The following EFEMP1 variants were observed in gnomAD, a reference collection of about 807,000 sequenced individuals.
EFEMP1 encodes EGF-like fibulin extracellular matrix protein 1.
Under a neutral mutation model 65.7 loss-of-function variants are expected in EFEMP1, and 18 were observed. That is an observed-to-expected ratio of 0.27 (90% CI 0.19 to 0.41). The LOEUF (loss-of-function observed/expected upper bound fraction) is 0.41. Among genes scored for constraint, EFEMP1 ranks in the 10% least tolerant of loss-of-function variants. The pLI, the probability that EFEMP1 is intolerant of heterozygous loss-of-function variation, is 1.00. For synonymous variants in EFEMP1, 237 were observed against 219.7 expected (o/e 1.08, Z -0.70); for missense variants, 469 against 624.8 (o/e 0.75, Z 2.66).
At chr2:55,908,812 T>C (rs1670378352) in intron 5 of EFEMP1, among the ~76,000 whole-genome samples, 1 of 152,204 alleles carries the variant, frequency 6.6e-6, no homozygotes, top group African/African-American at 2.4e-5. Context: ...TGTATTTTCA[T>C]TATTCACCAT....
intron 6 of EFEMP1, 33 bp downstream of exon 6, chr2:55,881,579 A>G (rs1669241514): frequency 6.2e-7 from 1 of 1,612,508 alleles, no homozygotes; most frequent in South Asian, 1.1e-5. Context: ...GGTACTCAAG[A>G]CAGGACCGTG....
chr2:55,880,256 A>G (rs1380192060), intron 6 of EFEMP1, among the ~76,000 whole-genome samples: 1 of 152,182 alleles, frequency 6.6e-6, no homozygotes, highest in Non-Finnish European at 1.5e-5. Flanking sequence ...GGGAAGACAC[A>G]TGATTAGATC....
intron 5 of EFEMP1, among the ~76,000 whole-genome samples, chr2:55,914,159 C>A (rs1013432159): frequency 2.0e-5 from 3 of 152,114 alleles, no homozygotes; most frequent in African/African-American, 7.2e-5. Context: ...CTAATGGAAA[C>A]AATTAATTTC....
intron 5 of EFEMP1, among the ~76,000 whole-genome samples, chr2:55,916,666 G>T (rs1374446229): frequency 3.3e-5 from 5 of 152,196 alleles, no homozygotes; most frequent in African/African-American, 1.2e-4. Flanking sequence ...GTATGTGGTG[G>T]TGACATGGAG....
In EFEMP1 at chr2:55,877,883, C is replaced by T; in HGVS notation, c.641-18G>A. On this transcript the variant is annotated intron_variant, in intron 6 of 11. Transcript: ENST00000355426. The surrounding 1 kb of genome is among the most constrained non-coding windows in gnomAD (Gnocchi z 4.5). ...ATCTATGTCTAGGTTATCAGGCACA[C>T]ACACAAAGAGAACCAAATTATTGAA... The T allele has an allele frequency of 6.2e-7, 1 of 1,612,438 alleles. No individual in the cohort carries two copies. Among genetic ancestry groups the T allele is most frequent in the Non-Finnish European group, 8.5e-7 (1 of 1,178,742 alleles).
At chr2:55,875,365 C>CACACACACACATAT (rs1457478860) in intron 8 of EFEMP1, among the ~76,000 whole-genome samples, 2 of 137,102 alleles carry the variant, frequency 1.5e-5, no homozygotes, top group African/African-American at 5.4e-5. Context: ...CACACACACA[C>CACACACACACATAT]ATATATATTT....
In EFEMP1 at chr2:55,873,070, AC is replaced by A. The variant is rs1453889145; in HGVS notation, c.1000+1875del. 7.4e-6 allele frequency among the ~76,000 whole-genome samples: 1 copy of A among 135,976 alleles called. No individual in the cohort carries two copies. The highest frequency in any genetic ancestry group is 2.0e-4 in the East Asian group (1 of 4,926). The allele number at this position is 135,976 out of a possible 152,430, so 89.2% of individuals were successfully genotyped here. ...TTTGTCTCTCTGTCTCTCTCTCCACACACACACACACACACACACACACACA... is the reference window on the plus strand; with the variant it reads ...TTTGTCTCTCTGTCTCTCTCTCCACAACACACACACACACACACACACACA... On this transcript the variant is annotated intron_variant, in intron 9 of 11. Transcript: ENST00000355426. This position sits in a 1 kb window ranked among gnomAD's most constrained non-coding sequence, Gnocchi z 4.6.
intron 5 of EFEMP1, among the ~76,000 whole-genome samples, chr2:55,912,282 A>T (rs1430260457): frequency 2.0e-5 from 3 of 152,160 alleles, no homozygotes; most frequent in Non-Finnish European, 1.5e-5. Context: ...TCCTCACAAA[A>T]CTAACCCATG....
chr2:55,916,056 T>C (rs1670665951), intron 5 of EFEMP1, among the ~76,000 whole-genome samples: 1 of 151,472 alleles, frequency 6.6e-6, no homozygotes, highest in Non-Finnish European at 1.5e-5. Flanking sequence ...ACTTAAAGCT[T>C]ACAAACAAAA....
rs142205664 is a variant in EFEMP1 at position 55,906,550 on chromosome 2, A to T, written c.517+11115T>A. 4.3e-3 allele frequency among the ~76,000 whole-genome samples: 643 copies of T among 148,580 alleles called. 5 individuals carry two copies. The highest frequency in any genetic ancestry group is 0.015 in the African/African-American group (595 of 40,710). On this transcript the variant is annotated intron_variant, in intron 5 of 11. Coordinates refer to ENST00000355426, the MANE Select transcript of EFEMP1 (RefSeq NM_001039348.3). ...AAACCCTTCATCTTTACCAGCTTGT[A>T]TGGGAGGACTTTTTTTTCTGGCTCC...
In EFEMP1 at chr2:55,919,965, A is replaced by G. The variant is rs910314983; in HGVS notation, c.82-1698T>C. On this transcript the variant is annotated intron_variant, in intron 3 of 11. Transcript: ENST00000355426. This position sits in a 1 kb window ranked among gnomAD's most constrained non-coding sequence, Gnocchi z 4.5. ...AGTAGGCAAGGCCCCGCATCTCTAC[A>G]TGCTGCATACAGACCCCATGATCTT... 2.0e-5 allele frequency among the ~76,000 whole-genome samples: 3 copies of G among 152,158 alleles called. No homozygotes were observed. Among genetic ancestry groups the G allele is most frequent in the Admixed American group, 1.3e-4 (2 of 15,276 alleles).
At chr2:55,869,323 G>A (rs2104365660) in intron 11 of EFEMP1, among the ~76,000 whole-genome samples, 1 of 152,100 alleles carries the variant, frequency 6.6e-6, no homozygotes, top group East Asian at 1.9e-4. Context: ...TATTTGTTTA[G>A]GCTAGAATTA....
At chr2:55,897,222 A>G (rs1347717634) in intron 5 of EFEMP1, among the ~76,000 whole-genome samples, 1 of 152,130 alleles carries the variant, frequency 6.6e-6, no homozygotes, top group Non-Finnish European at 1.5e-5. Flanking sequence ...TATGCTTTGC[A>G]TTTACTAGTT....
At position 55,877,885 on chromosome 2, in the gene EFEMP1, C is replaced by T; in HGVS notation, c.641-20G>A. On this transcript the variant is annotated intron_variant, in intron 6 of 11. Coordinates refer to ENST00000355426, the MANE Select transcript of EFEMP1 (RefSeq NM_001039348.3). This position sits in a 1 kb window ranked among gnomAD's most constrained non-coding sequence, Gnocchi z 4.5. ...CTATGTCTAGGTTATCAGGCACACA[C>T]ACAAAGAGAACCAAATTATTGAATT... is the stretch of plus-strand genomic sequence containing the variant. The T allele has an allele frequency of 1.9e-6, 3 of 1,612,230 alleles. No individual in the cohort carries two copies. The highest frequency in any genetic ancestry group is 1.1e-5 in the South Asian group (1 of 90,992).
chr2:55,908,850 T>C (rs1467122449), intron 5 of EFEMP1, among the ~76,000 whole-genome samples: 1 of 152,188 alleles, frequency 6.6e-6, no homozygotes, highest in Non-Finnish European at 1.5e-5. Flanking sequence ...ATGTATTTGA[T>C]ACAGAAATGC....
chr2:55,867,308 C>T lies in EFEMP1; in HGVS notation c.1321-74G>A, dbSNP rs1668615774. On this transcript the variant is annotated intron_variant, in intron 11 of 11. Transcript: ENST00000355426. The surrounding 1 kb of genome is among the most constrained non-coding windows in gnomAD (Gnocchi z 4.3). ...GGAGTTTCTATGCTTTGTTAGTATA[C>T]CTCCTATAAGAATTAGGGGGAGAAT... The T allele has an allele frequency of 2.0e-6, 3 of 1,507,690 alleles. No individual in the cohort carries two copies. The South Asian group carries it at 3.5e-5, about 18-fold the overall frequency. 93.4% of individuals were successfully genotyped at this position (1,507,690 alleles called of 1,614,324 possible).
Position 55,877,698 on chromosome 2 carries a change from G to A in EFEMP1, c.760+48C>T. The A allele has an allele frequency of 1.2e-6, 2 of 1,611,276 alleles. No homozygotes were observed. The highest frequency in any genetic ancestry group is 1.7e-4 in the Middle Eastern group (1 of 6,042). On this transcript the variant is annotated intron_variant, in intron 7 of 11. Coordinates refer to ENST00000355426, the MANE Select transcript of EFEMP1 (RefSeq NM_001039348.3). This position sits in a 1 kb window ranked among gnomAD's most constrained non-coding sequence, Gnocchi z 4.5. The stretch of plus-strand genomic sequence containing the variant: ...CTGGAAATACTGCAACATGGCATGG[G>A]GTTTCCTTTTGTGAAGACAGAAATC...
At chr2:55,882,057 G>T (rs1000466669) in intron 5 of EFEMP1, among the ~76,000 whole-genome samples, 9 of 151,966 alleles carry the variant, frequency 5.9e-5, no homozygotes, top group African/African-American at 1.9e-4. Flanking sequence ...CCACTGTCTC[G>T]GTAGGAATGA....
intron 3 of EFEMP1, among the ~76,000 whole-genome samples, chr2:55,918,667 A>T (rs950993270): frequency 4.4e-5 from 2 of 45,662 alleles, no homozygotes; most frequent in Admixed American, 2.5e-4. Context: ...CCCCGCCCCC[A>T]CCCCCAACCA....
Sources: allele counts gnomAD v4.1 joint callset (sites outside exome capture counted in the v4.1 genomes callset), GRCh38; gene constraint gnomAD v4.1.1; non-coding constraint Gnocchi (gnomAD v3.1); transcripts MANE v1.5; gene names NCBI Gene and HGNC (gene_info 2026-07-23, HGNC 2026-07-21).